SEM1: variants seen among roughly 807,000 people sequenced by gnomAD.
The protein encoded by SEM1 is SEM1 26S proteasome subunit.
A neutral mutation model predicts 12.7 loss-of-function variants in SEM1; 3 were observed. That is an observed-to-expected ratio of 0.24 (90% CI 0.11 to 0.61). The LOEUF is 0.61. Ranked by LOEUF, SEM1 falls within the 20% of genes least tolerant of loss-of-function variation. SEM1 has a pLI of 0.88. For missense variants in SEM1, 59 were observed against 81.3 expected, an observed-to-expected ratio of 0.73 and a Z score of 1.06; for synonymous variants, 30 against 27.8, an observed-to-expected ratio of 1.08 and a Z score of -0.25.
intron 2 of SEM1, chr7:96,656,590 T>G (rs1438247665): frequency 7.3e-6 from 1 of 136,844 alleles, no homozygotes; most frequent in Admixed American, 7.4e-5. Context: ...TAGGACCTAG[T>G]AAAAAAAAAA....
At chr7:96,681,447 T>TA (rs1789609890) in intron 2 of SEM1, among the ~76,000 whole-genome samples, 1 of 152,130 alleles carries the variant, frequency 6.6e-6, no homozygotes, top group Non-Finnish European at 1.5e-5. Flanking sequence ...ATTTATCAGT[T>TA]AAGCTGTTTC....
At chr7:96,517,323 A>ATC (rs1804127067) in intron 2 of SEM1, among the ~76,000 whole-genome samples, 1 of 152,166 alleles carries the variant, frequency 6.6e-6, no homozygotes, top group Admixed American at 6.6e-5. Context: ...TTGTTGGGAC[A>ATC]GAGGGTAAAT....
chr7:96,530,629 A>G (rs769235473), intron 2 of SEM1, among the ~76,000 whole-genome samples: 2 of 152,136 alleles, frequency 1.3e-5, no homozygotes, highest in Non-Finnish European at 2.9e-5. Context: ...GTGATGCCTC[A>G]TTCCCAGTGA....
intron 2 of SEM1, among the ~76,000 whole-genome samples, chr7:96,565,910 G>T (rs1805830964): frequency 6.6e-6 from 1 of 151,650 alleles, no homozygotes; most frequent in Admixed American, 6.6e-5. Context: ...TTGTCATGTT[G>T]GATTCTCTGA....
chr7:96,643,021 G>T (rs1808662661), intron 2 of SEM1, among the ~76,000 whole-genome samples: 1 of 152,010 alleles, frequency 6.6e-6, no homozygotes, highest in East Asian at 1.9e-4. Context: ...TGTCATAGGG[G>T]TTTATTGTCC....
At chr7:96,490,533 A>G (rs1199053951) in intron 1 of SEM1, among the ~76,000 whole-genome samples, 1 of 152,202 alleles carries the variant, frequency 6.6e-6, no homozygotes, top group Non-Finnish European at 1.5e-5. Context: ...TAAGTTTTGT[A>G]CAGTGTAAAT....
At chr7:96,614,950 T>C (rs958258557) in intron 2 of SEM1, among the ~76,000 whole-genome samples, 2 of 152,200 alleles carry the variant, frequency 1.3e-5, no homozygotes, top group African/African-American at 2.4e-5. Context: ...CCTCTATCAA[T>C]AGTCAACAAA....
intron 2 of SEM1, among the ~76,000 whole-genome samples, chr7:96,617,466 A>G (rs1325026776): frequency 1.3e-5 from 2 of 152,150 alleles, no homozygotes; most frequent in Non-Finnish European, 2.9e-5. Context: ...TCTAGATATA[A>G]TAACACAGAA....
chr7:96,584,618 A>C (rs1035813346), intron 2 of SEM1, among the ~76,000 whole-genome samples: 3 of 150,032 alleles, frequency 2.0e-5, no homozygotes, highest in African/African-American at 7.4e-5. Flanking sequence ...TCAGACCTAG[A>C]TTTGGTCTTT....
At chr7:96,498,236 T>G (rs1177373864), upstream of SEM1, among the ~76,000 whole-genome samples, 1 of 152,190 alleles carries the variant, frequency 6.6e-6, no homozygotes, top group African/African-American at 2.4e-5. Flanking sequence ...ACATTCCTAT[T>G]GTTTATAGCA....
intron 1 of SEM1, among the ~76,000 whole-genome samples, chr7:96,490,860 G>A (rs1802979094): frequency 6.6e-6 from 1 of 151,936 alleles, no homozygotes; most frequent in South Asian, 2.1e-4. Context: ...CAGATATGGG[G>A]GTGGTTTATG....
chr7:96,550,499 T>C (rs1805235112), intron 2 of SEM1, among the ~76,000 whole-genome samples: 1 of 152,224 alleles, frequency 6.6e-6, no homozygotes, highest in South Asian at 2.1e-4. Flanking sequence ...GACACTCTTG[T>C]AGGCTGTGTT....
exon 3 of SEM1, chr7:96,673,478 C>A: frequency 2.8e-6 from 1 of 354,630 alleles, no homozygotes; most frequent in Non-Finnish European, 5.3e-6. Context: ...TAAATAGGGT[C>A]ACCCTTCAAG....
downstream of SEM1, among the ~76,000 whole-genome samples, chr7:96,672,092 T>G (rs1563106410): frequency 6.6e-6 from 1 of 152,220 alleles, no homozygotes; most frequent in African/African-American, 2.4e-5. Flanking sequence ...AGAAGCTCAA[T>G]GGCCTCTCAT....
intron 2 of SEM1, among the ~76,000 whole-genome samples, chr7:96,485,280 C>T (rs1312739344): frequency 1.3e-5 from 2 of 152,116 alleles, no homozygotes; most frequent in Non-Finnish European, 2.9e-5. Context: ...TAAAACAAGG[C>T]AAATTGATTC....
chr7:96,616,708 T>C (rs116853861), intron 2 of SEM1, among the ~76,000 whole-genome samples: 4 of 152,310 alleles, frequency 2.6e-5, no homozygotes, highest in Non-Finnish European at 5.9e-5. Context: ...GTAATCCATC[T>C]TGACTTAATT....
intron 1 of SEM1, among the ~76,000 whole-genome samples, chr7:96,494,504 C>T (rs1051423993): frequency 1.9e-4 from 29 of 152,138 alleles, no homozygotes; most frequent in Admixed American, 3.3e-4. Flanking sequence ...TTCATAAATG[C>T]ATAATTTGAC....
chr7:96,646,799 G>A (rs1462245929), intron 2 of SEM1, among the ~76,000 whole-genome samples: 2 of 152,172 alleles, frequency 1.3e-5, no homozygotes, highest in African/African-American at 2.4e-5. Flanking sequence ...GAGTCACAGA[G>A]TTTATTTCTT....
intron 2 of SEM1, among the ~76,000 whole-genome samples, chr7:96,678,043 T>C (rs1187134748): frequency 6.6e-6 from 1 of 152,202 alleles, no homozygotes; most frequent in Non-Finnish European, 1.5e-5. Flanking sequence ...GCTCAATAAA[T>C]ATTTGTTGAA....
Sources: gnomAD v4.1 joint callset for allele counts (sites outside exome capture counted in the v4.1 genomes callset) on GRCh38, gnomAD v4.1.1 for gene constraint, MANE v1.5 for transcripts, NCBI Gene and HGNC (gene_info 2026-07-23, HGNC 2026-07-21) for gene names.